Variants in ORC1 observed in about 807,000 individuals in gnomAD.
ORC1 encodes origin recognition complex, subunit 1 homolog.
Under a neutral mutation model 98.9 loss-of-function variants are expected in ORC1, and 61 were observed. The observed-to-expected ratio is 0.62, with a 90% CI of 0.50 to 0.76. The LOEUF is 0.76. ORC1 is among the 30% of genes least tolerant of loss of function. The pLI is 0.00. For synonymous variants in ORC1, 385 were observed against 406.9 expected (o/e 0.95, Z 0.65); for missense variants, 979 against 1,072.2 (o/e 0.91, Z 1.21).
chr1:52,394,285 A>G (rs1425034176), intron 5 of ORC1, among the ~76,000 whole-genome samples: 2 of 152,220 alleles, frequency 1.3e-5, no homozygotes, highest in Admixed American at 6.5e-5. Flanking sequence ...TGAATACACA[A>G]AACTGTCTGG....
chr1:52,401,275 A>G lies in ORC1; in HGVS notation c.223+87T>C, dbSNP rs1647692115. ...CACCTCAGTCTAATGTGCCCTGCAC[A>G]CTGCTGTGAACAAAAGAATCCACAA... On this transcript the variant is annotated intron_variant, in intron 3 of 16. Coordinates refer to ENST00000371568, the MANE Select transcript of ORC1 (RefSeq NM_004153.4). The G allele has an allele frequency of 3.3e-6, 5 of 1,529,834 alleles. No individual in the cohort carries two copies. In the South Asian group the frequency reaches 5.6e-5, roughly 17 times the overall value. 94.8% of individuals were successfully genotyped at this position (1,529,834 alleles called of 1,614,324 possible). A position where few individuals can be genotyped will look rare whatever the true frequency, so the allele number is the denominator to read the frequency against.
Position 52,385,851 on chromosome 1 carries a change from C to T in ORC1, c.1481+1G>A, listed in dbSNP as rs764805454. On this transcript the variant is annotated splice_donor_variant, in intron 9 of 16. Coordinates refer to ENST00000371568, the MANE Select transcript of ORC1 (RefSeq NM_004153.4). LOFTEE classifies it high-confidence loss of function. ...TGAAGGGGAATCAACAGCAGCAGTACCTCAGTCGGGCTTCCTCCAGCACAC... is the reference window on the plus strand; with the variant it reads ...TGAAGGGGAATCAACAGCAGCAGTATCTCAGTCGGGCTTCCTCCAGCACAC... 4.3e-6 allele frequency: 7 copies of T among 1,609,502 alleles called. No individual in the cohort carries two copies. The highest frequency in any genetic ancestry group is 4.3e-6 in the Non-Finnish European group (5 of 1,176,048).
chr1:52,381,925 G>A (rs1300961608), intron 13 of ORC1, among the ~76,000 whole-genome samples, 164 bp from the exon 14 acceptor site: 1 of 152,148 alleles, frequency 6.6e-6, no homozygotes, highest in Non-Finnish European at 1.5e-5. Flanking sequence ...GACCAGTGGT[G>A]TCCTGTAGGG....
In ORC1 at chr1:52,393,453, T is replaced by C; in HGVS notation, c.1072A>G (p.Ile358Val). The C allele has an allele frequency of 6.2e-7, 1 of 1,614,224 alleles. No individual in the cohort carries two copies. Among genetic ancestry groups the C allele is most frequent in the Non-Finnish European group, 8.5e-7 (1 of 1,180,028 alleles). ...VPSVILKPEN[I>V]KKRDAKEAKA... ...AATGTCCCTGGTCACCTCTTTTTGA[T>C]GTTTTCTGGTTTCAGAATCACGGAT... is the stretch of plus-strand genomic sequence containing the variant. Residue 358 changes from isoleucine (I) to valine (V), a missense_variant, in exon 6 of 17, where the codon ATC becomes GTC. By Grantham distance (29) the Ile-to-Val change is conservative. Coordinates refer to ENST00000371568, the MANE Select transcript of ORC1 (RefSeq NM_004153.4).
At chr1:52,406,582 CTATAA>C (rs1375705893), upstream of ORC1, among the ~76,000 whole-genome samples, 3 of 152,090 alleles carry the variant, frequency 2.0e-5, no homozygotes, top group South Asian at 2.1e-4. Context: ...AAAATGGTGA[CTATAA>C]TATAAGAGTG....
chr1:52,384,853 G>T, intron 10 of ORC1, 132 bp from the exon 11 acceptor site: 1 of 801,458 alleles, frequency 1.2e-6, no homozygotes, highest in Non-Finnish European at 2.1e-6. Context: ...GGGCAGTAGG[G>T]ACCATCCTTG....
chr1:52,378,981 C>T (rs543528249), intron 14 of ORC1, among the ~76,000 whole-genome samples: 1 of 151,276 alleles, frequency 6.6e-6, no homozygotes, highest in African/African-American at 2.4e-5. Flanking sequence ...TGCAGTGAGC[C>T]GAGATTGTGC....
At chr1:52,400,511 A>C (rs1647653999) in intron 3 of ORC1, among the ~76,000 whole-genome samples, 1 of 152,256 alleles carries the variant, frequency 6.6e-6, no homozygotes, top group African/African-American at 2.4e-5. Context: ...AATATAAAAC[A>C]TCTTTATCCA....
Position 52,397,706 on chromosome 1 carries a change from C to A in ORC1, c.381G>T (p.Glu127Asp), listed in dbSNP as rs1026479874. 6.2e-7 allele frequency: 1 copy of A among 1,614,178 alleles called. No individual in the cohort carries two copies. Among genetic ancestry groups the A allele is most frequent in the African/African-American group, 1.3e-5 (1 of 75,052 alleles). Residue 127 changes from glutamate to aspartate, a missense_variant, in exon 4 of 17, where the codon GAG becomes GAT. By Grantham distance (45) the Glu-to-Asp change is conservative. Coordinates refer to ENST00000371568, the MANE Select transcript of ORC1 (RefSeq NM_004153.4). Reference protein sequence around the residue: ...YPACDSNINAETIIGLVRVIP... With the variant: ...YPACDSNINADTIIGLVRVIP... Reference sequence around the variant, plus strand: ...CTACCCGAACAAGGCCAATGATGGTCTCCGCATTAATGTTGCTGTCACAGG... The same window carrying A: ...CTACCCGAACAAGGCCAATGATGGTATCCGCATTAATGTTGCTGTCACAGG...
intron 4 of ORC1, among the ~76,000 whole-genome samples, chr1:52,397,368 A>G (rs1264803731): frequency 6.6e-6 from 1 of 152,246 alleles, no homozygotes; most frequent in Non-Finnish European, 1.5e-5. Flanking sequence ...TTAAGCCAGC[A>G]TATTCAGCCT....
chr1:52,384,750 T>C, intron 10 of ORC1, 29 bp from the exon 11 acceptor site: 1 of 1,596,978 alleles, frequency 6.3e-7, no homozygotes, highest in Non-Finnish European at 8.5e-7. Context: ...ACCCGTGGGG[T>C]AGGTCTCAGC....
At chr1:52,396,790 C>T (rs1291396652) in intron 4 of ORC1, among the ~76,000 whole-genome samples, 1 of 152,140 alleles carries the variant, frequency 6.6e-6, no homozygotes, top group African/African-American at 2.4e-5. Context: ...GCCAAGTTTC[C>T]CCACAAACTT....
intron 9 of ORC1, 43 bp downstream of exon 9, chr1:52,385,809 C>T (rs769262052): frequency 2.3e-6 from 3 of 1,319,076 alleles, no homozygotes; most frequent in Non-Finnish European, 3.3e-6. Flanking sequence ...GCAGAGGCCC[C>T]ATGGTTCCTG....
At chr1:52,390,484 T>C (rs1160015524) in intron 6 of ORC1, among the ~76,000 whole-genome samples, 3 of 152,196 alleles carry the variant, frequency 2.0e-5, no homozygotes, top group Non-Finnish European at 2.9e-5. Flanking sequence ...CTGGAATAAT[T>C]GGCAAGCCAC....
intron 5 of ORC1, among the ~76,000 whole-genome samples, chr1:52,394,886 T>C (rs753020298): frequency 2.6e-5 from 4 of 152,168 alleles, no homozygotes; most frequent in Non-Finnish European, 5.9e-5. Context: ...CTGACCTCAG[T>C]TGATCCACCC....
chr1:52,408,461 C>A, upstream of ORC1: 1 of 1,482,230 alleles, frequency 6.7e-7, no homozygotes, highest in Non-Finnish European at 9.4e-7. Context: ...GCTTTCTTAC[C>A]TGCCAAAGAG....
upstream of ORC1, chr1:52,408,463 G>T: frequency 6.7e-7 from 1 of 1,492,388 alleles, no homozygotes. Flanking sequence ...TTTCTTACCT[G>T]CCAAAGAGAA....
At chr1:52,400,924 C>T (rs971704632) in intron 3 of ORC1, among the ~76,000 whole-genome samples, 2 of 152,204 alleles carry the variant, frequency 1.3e-5, no homozygotes, top group African/African-American at 4.8e-5. Context: ...CTGACTGAAA[C>T]CCCAATTGCT....
upstream of ORC1, among the ~76,000 whole-genome samples, chr1:52,406,939 G>C (rs942745532): frequency 2.0e-5 from 3 of 152,212 alleles, no homozygotes; most frequent in African/African-American, 7.2e-5. Flanking sequence ...CTCGTACAAA[G>C]AAACTATGAC....
Sources: allele counts gnomAD v4.1 joint callset (sites outside exome capture counted in the v4.1 genomes callset), GRCh38; gene constraint gnomAD v4.1.1; transcripts MANE v1.5; gene names NCBI Gene and HGNC (gene_info 2026-07-23, HGNC 2026-07-21).